RAB11FIP5: variants seen among roughly 807,000 people sequenced by gnomAD.
RAB11FIP5 encodes RAB11 family interacting protein 5.
RAB11FIP5 carries 48 observed loss-of-function variants against 85.1 expected under a neutral mutation model. The ratio of observed to expected loss-of-function variants is 0.56; its 90% CI spans 0.45 to 0.72. The LOEUF is 0.72. Ranked by LOEUF, RAB11FIP5 falls within the 30% of genes least tolerant of loss-of-function variation. RAB11FIP5 has a pLI of 0.00. For missense variants in RAB11FIP5, 1,491 were observed against 1,687.0 expected (o/e 0.88, Z 2.04); for synonymous variants, 729 against 727.3 (o/e 1.00, Z -0.04).
At chr2:73,101,131 C>T (rs1031943532) in intron 1 of RAB11FIP5, among the ~76,000 whole-genome samples, 2 of 152,126 alleles carry the variant, frequency 1.3e-5, no homozygotes, top group Non-Finnish European at 2.9e-5. Flanking sequence ...CCAGGTGAGG[C>T]AAGGCTTGGC....
chr2:73,096,098 C>A (rs1684313257), intron 1 of RAB11FIP5, among the ~76,000 whole-genome samples: 1 of 152,230 alleles, frequency 6.6e-6, no homozygotes, highest in South Asian at 2.1e-4. Context: ...GTTCACCAGG[C>A]CCCGTGTGGA....
chr2:73,080,564 C>A lies in RAB11FIP5; in HGVS notation c.2668G>T (p.Val890Leu). The A allele has an allele frequency of 8.1e-7, 1 of 1,232,476 alleles. No homozygotes were observed. The highest frequency in any genetic ancestry group is 1.0e-6 in the Non-Finnish European group (1 of 988,092). The allele number at this position is 1,232,476 out of a possible 1,614,324, so 76.3% of individuals were successfully genotyped here. A position where few individuals can be genotyped will look rare whatever the true frequency, so the allele number is the denominator to read the frequency against. Reference protein sequence around the residue: ...PPEPEPKPEWVSDKGLQPSTP... With the variant: ...PPEPEPKPEWLSDKGLQPSTP... ...CTGGGCTGCAGCCCCTTGTCAGACA[C>A]CCACTCGGGTTTAGGCTCGGGCTCC... Residue 890 changes from valine to leucine, a missense_variant, in exon 4 of 6, where the codon GTG becomes TTG. Val to Leu is a conservative substitution (Grantham distance 32). Around this residue, in one of 3 missense-constraint regions of RAB11FIP5, gnomAD observed 1,211 missense variants for 1,338.0 expected, o/e 0.91. Coordinates refer to ENST00000486777, the MANE Select transcript of RAB11FIP5 (RefSeq NM_001371272.1).
rs1415104594 is a variant in RAB11FIP5 at position 73,080,513 on chromosome 2, G to C, written c.2719C>G (p.Leu907Val). ...PSTPPPKPPR[L>V]FTPSRSQEEE... ...TCCTGGGATCTTGAGGGTGTGAAGA[G>C]GCGCGGTGGCTTGGGAGGTGGGGTG... Residue 907 changes from leucine (L) to valine (V), a missense_variant, in exon 4 of 6, where the codon CTC (leucine) becomes GTC (valine). Coordinates refer to ENST00000486777, the MANE Select transcript of RAB11FIP5 (RefSeq NM_001371272.1). The C allele has an allele frequency of 8.1e-7, 1 of 1,232,858 alleles. No individual in the cohort carries two copies. Among genetic ancestry groups the C allele is most frequent in the African/African-American group, 1.6e-5 (1 of 64,404 alleles). The allele number at this position is 1,232,858 out of a possible 1,614,324, so 76.4% of individuals were successfully genotyped here.
intron 1 of RAB11FIP5, among the ~76,000 whole-genome samples, chr2:73,104,561 C>T (rs1684488296): frequency 6.6e-6 from 1 of 152,198 alleles, no homozygotes; most frequent in Non-Finnish European, 1.5e-5. Context: ...CAGCAAGACT[C>T]TGTCTCAAAA....
chr2:73,098,719 A>AC (rs940726275), intron 1 of RAB11FIP5, among the ~76,000 whole-genome samples: 2 of 151,980 alleles, frequency 1.3e-5, no homozygotes, highest in African/African-American at 4.8e-5. Flanking sequence ...GAATAAAGTC[A>AC]CCCCCCTATT....
chr2:73,098,485 C>T (rs1326584507), intron 1 of RAB11FIP5, among the ~76,000 whole-genome samples: 1 of 152,220 alleles, frequency 6.6e-6, no homozygotes, highest in Non-Finnish European at 1.5e-5. Context: ...GAAACGCACA[C>T]GAGCATCGGC....
chr2:73,084,059 C>T (rs1250695353), intron 3 of RAB11FIP5: 2 of 152,240 alleles, frequency 1.3e-5, no homozygotes, highest in African/African-American at 2.4e-5. Context: ...GACTGGGAGC[C>T]TCAGGTTAGG....
chr2:73,090,627 G>C (rs1266764104), intron 1 of RAB11FIP5, among the ~76,000 whole-genome samples: 1 of 152,204 alleles, frequency 6.6e-6, no homozygotes, highest in Non-Finnish European at 1.5e-5. Flanking sequence ...ATACATAAGT[G>C]AAAGAAGACA....
chr2:73,112,560 C>G lies in RAB11FIP5; in HGVS notation c.218G>C (p.Cys73Ser). 6.4e-7 allele frequency: 1 copy of G among 1,573,076 alleles called. No homozygotes were observed. The highest frequency in any genetic ancestry group is 8.6e-7 in the Non-Finnish European group (1 of 1,162,272). The change falls in exon 1 of 6, where the codon TGC becomes TCC. Residue 73 changes from cysteine to serine, a missense_variant. Physicochemically the swap from Cys to Ser is moderately radical, Grantham distance 112 (BLOSUM62 -1). Transcript: ENST00000486777. Reference protein sequence around the residue: ...THGCPEWREECSFELPPGALD... With the variant: ...THGCPEWREESSFELPPGALD... ...GGCCCCCGGCGGCAGCTCGAAGGAGCACTCCTCACGCCACTCGGGGCAGCC... is the reference window on the plus strand; with the variant it reads ...GGCCCCCGGCGGCAGCTCGAAGGAGGACTCCTCACGCCACTCGGGGCAGCC...
At position 73,075,683 on chromosome 2, in the gene RAB11FIP5, C is replaced by T; in HGVS notation, c.3813G>A (p.Leu1271=). The change falls in exon 6 of 6, where the codon CTG becomes CTA. Residue 1271 remains leucine (L), a synonymous_variant. Transcript: ENST00000486777. This position sits in a 1 kb window ranked among gnomAD's most constrained non-coding sequence, Gnocchi z 4.6. ...GCAGGCTGATGAGCTCATCGTGGGT[C>T]AGGTGGTAGTACTTGGCCGACTGGT... ...VLDQSAKYYH[L]THDELISLLL... The T allele has an allele frequency of 6.2e-7, 1 of 1,612,984 alleles. No homozygotes were observed. Among genetic ancestry groups the T allele is most frequent in the Non-Finnish European group, 8.5e-7 (1 of 1,179,544 alleles).
In RAB11FIP5 at chr2:73,074,799, G is replaced by T. The variant is rs1238543459; in HGVS notation, c.*722C>A. 5.5e-5 allele frequency: 11 copies of T among 200,556 alleles called. No homozygotes were observed. Among genetic ancestry groups the T allele is most frequent in the South Asian group, 1.9e-4 (2 of 10,282 alleles). 12.4% of individuals were successfully genotyped at this position (200,556 alleles called of 1,614,324 possible). On this transcript the variant is annotated 3_prime_UTR_variant, in exon 6 of 6. Coordinates refer to ENST00000486777, the MANE Select transcript of RAB11FIP5 (RefSeq NM_001371272.1). ...CGAAAAGCAAAAAGGTGCTCTCTCC[G>T]CACCCGCCCCTGCGCCCCACACATT...
In RAB11FIP5 at chr2:73,074,194, A is replaced by C. The variant is rs1446515959; in HGVS notation, c.*1327T>G. On this transcript the variant is annotated 3_prime_UTR_variant, in exon 6 of 6. Coordinates refer to ENST00000486777, the MANE Select transcript of RAB11FIP5 (RefSeq NM_001371272.1). The stretch of plus-strand genomic sequence containing the variant: ...AAGGGACAGGCTGAGATAGCAGCTT[A>C]ATGGATGGATGGGAGGACAACAAAG... 6.6e-6 allele frequency: 1 copy of C among 152,296 alleles called. No individual in the cohort carries two copies. Among genetic ancestry groups the C allele is most frequent in the Non-Finnish European group, 1.5e-5 (1 of 68,072 alleles). 9.4% of individuals were successfully genotyped at this position (152,296 alleles called of 1,614,324 possible).
intron 1 of RAB11FIP5, among the ~76,000 whole-genome samples, chr2:73,101,863 C>T (rs1558523176): frequency 6.6e-6 from 1 of 152,218 alleles, no homozygotes; most frequent in Non-Finnish European, 1.5e-5. Flanking sequence ...TCCCACCCAA[C>T]CAGAGGAGGC....
chr2:73,091,763 G>A (rs1050655778), intron 1 of RAB11FIP5, among the ~76,000 whole-genome samples: 4 of 152,154 alleles, frequency 2.6e-5, no homozygotes, highest in South Asian at 4.1e-4. Context: ...CCATCATGAC[G>A]AAATCCTGGT....
chr2:73,087,213 G>A (rs1255218498), intron 3 of RAB11FIP5, among the ~76,000 whole-genome samples: 16 of 152,242 alleles, frequency 1.1e-4, no homozygotes, highest in Admixed American at 1.0e-3. Flanking sequence ...TTGGGAAGGT[G>A]CGACACACAC....
In RAB11FIP5 at chr2:73,075,188, C is replaced by T. The variant is rs1257867157; in HGVS notation, c.*333G>A. ...TATGTGCTAGCAACCAGTCTTGTCCCAGATTACTGCATCAAGCTACAGTTC... is the reference window on the plus strand; with the variant it reads ...TATGTGCTAGCAACCAGTCTTGTCCTAGATTACTGCATCAAGCTACAGTTC... On this transcript the variant is annotated 3_prime_UTR_variant, in exon 6 of 6. Coordinates refer to ENST00000486777, the MANE Select transcript of RAB11FIP5 (RefSeq NM_001371272.1). This position sits in a 1 kb window ranked among gnomAD's most constrained non-coding sequence, Gnocchi z 4.6. 1.6e-6 allele frequency: 1 copy of T among 613,220 alleles called. No homozygotes were observed. Among genetic ancestry groups the T allele is most frequent in the Non-Finnish European group, 3.0e-6 (1 of 328,030 alleles). The allele number at this position is 613,220 out of a possible 1,614,324, so 38.0% of individuals were successfully genotyped here. A position where few individuals can be genotyped will look rare whatever the true frequency, so the allele number is the denominator to read the frequency against.
At chr2:73,093,295 G>A (rs1684254148) in intron 1 of RAB11FIP5, among the ~76,000 whole-genome samples, 1 of 152,048 alleles carries the variant, frequency 6.6e-6, no homozygotes, top group African/African-American at 2.4e-5. Context: ...CCATCCTGCT[G>A]GCCTGGCCCA....
rs1684698863 is a variant in RAB11FIP5, at chr2:73,112,867, A to G, written c.-90T>C. On this transcript the variant is annotated 5_prime_UTR_variant, in exon 1 of 6. Coordinates refer to ENST00000486777, the MANE Select transcript of RAB11FIP5 (RefSeq NM_001371272.1). ...CGGCCGCGGCAGAAGGCGGTCAGGA[A>G]CCAACTCTGAGCGCCGCCGCAGCTG... is the stretch of plus-strand genomic sequence containing the variant. The G allele has an allele frequency of 5.8e-6, 7 of 1,215,264 alleles. No individual in the cohort carries two copies. The highest frequency in any genetic ancestry group is 8.4e-5 in the Admixed American group (2 of 23,840). The allele number at this position is 1,215,264 out of a possible 1,614,324, so 75.3% of individuals were successfully genotyped here. A position where few individuals can be genotyped will look rare whatever the true frequency, so the allele number is the denominator to read the frequency against.
chr2:73,085,877 G>A (rs1477286797), intron 3 of RAB11FIP5, among the ~76,000 whole-genome samples: 1 of 152,162 alleles, frequency 6.6e-6, no homozygotes, highest in Non-Finnish European at 1.5e-5. Flanking sequence ...CCAAGGCAGA[G>A]GCCCCCATTC....
Sources: gnomAD v4.1 joint callset for allele counts (sites outside exome capture counted in the v4.1 genomes callset) on GRCh38, gnomAD v4.1.1 for gene constraint, gnomAD v4.1.1 regional missense constraint, Gnocchi (gnomAD v3.1) non-coding constraint, MANE v1.5 for transcripts, NCBI Gene and HGNC (gene_info 2026-07-23, HGNC 2026-07-21) for gene names.